The following GMFB variants were observed in gnomAD, a reference collection of about 807,000 sequenced individuals.
The protein encoded by GMFB is glia maturation factor beta, also known as GMF-beta.
In GMFB, 13 loss-of-function variants were observed where a neutral mutation model predicts 25.6. The ratio of observed to expected loss-of-function variants is 0.51; its 90% confidence interval spans 0.33 to 0.81. The LOEUF (loss-of-function observed/expected upper bound fraction) is 0.81, where lower values mean the gene tolerates loss of function less well. GMFB is among the 30% of genes least tolerant of loss of function. The probability of loss-of-function intolerance (pLI) is 0.02; values close to 1 mark genes in which losing one functional copy is unlikely to be tolerated. For synonymous variants in GMFB, 57 were observed against 56.9 expected (o/e 1.00, Z 0.00); for missense variants, 146 against 175.4 (o/e 0.83, Z 0.95).
At chr14:54,486,732 T>C (rs371273009) in intron 1 of GMFB, among the ~76,000 whole-genome samples, 1 of 152,162 alleles carries the variant, frequency 6.6e-6, no homozygotes, top group Non-Finnish European at 1.5e-5. Context: ...AAACAGATAC[T>C]ATTATTACTC....
rs757436577 is a variant in GMFB at position 54,475,932 on chromosome 14, C to T, written c.*2156G>A. On this transcript the variant is annotated 3_prime_UTR_variant, in exon 7 of 7. Coordinates refer to ENST00000358056, the MANE Select transcript of GMFB (RefSeq NM_004124.3). ...ATGGCAGAAAAAAAGACAGTAAATA[C>T]GAAACATACTTGAAAAGAACAATGC... 1.3e-5 allele frequency: 2 copies of T among 151,900 alleles called. No individual in the cohort carries two copies. The highest frequency in any genetic ancestry group is 1.9e-4 in the East Asian group (1 of 5,186). The allele number at this position is 151,900 out of a possible 1,614,324, so 9.4% of individuals were successfully genotyped here. A position where few individuals can be genotyped will look rare whatever the true frequency, so the allele number is the denominator to read the frequency against.
chr14:54,478,261 T>C (rs560949316), intron 6 of GMFB, 102 bp from the exon 7 acceptor site: 2 of 478,092 alleles, frequency 4.2e-6, no homozygotes, highest in African/African-American at 4.0e-5. Flanking sequence ...CACCAAACTA[T>C]TTTTGGTTAT....
At chr14:54,487,829 A>G (rs556934407) in intron 1 of GMFB, among the ~76,000 whole-genome samples, 7 of 152,248 alleles carry the variant, frequency 4.6e-5, no homozygotes, top group Non-Finnish European at 8.8e-5. Context: ...TTTAGGATGA[A>G]GAATACAGAA....
At chr14:54,488,769 G>C in intron 1 of GMFB, 156 bp downstream of exon 1, 3 of 570,222 alleles carry the variant, frequency 5.3e-6, no homozygotes, top group Non-Finnish European at 8.7e-6. Flanking sequence ...CAGAGGCCAA[G>C]TACTCTAGCT....
At chr14:54,481,492 T>C in intron 3 of GMFB, 34 bp from the exon 4 acceptor site, 1 of 1,502,580 alleles carries the variant, frequency 6.7e-7, no homozygotes, top group Non-Finnish European at 9.3e-7. Context: ...TTTTAAACAT[T>C]TTCTTACCCA....
At chr14:54,481,222 AAAG>A in intron 4 of GMFB, 184 bp downstream of exon 4, 3 of 583,796 alleles carry the variant, frequency 5.1e-6, no homozygotes, top group Non-Finnish European at 9.2e-6. Flanking sequence ...ATAGTTTTAA[AAAG>A]AAAATTATTC....
Position 54,483,738 on chromosome 14 carries a change from G to A in GMFB, c.33C>T (p.Ala11=), listed in dbSNP as rs775871487. 7.5e-6 allele frequency: 12 copies of A among 1,607,834 alleles called. No individual in the cohort carries two copies. Among genetic ancestry groups the A allele is most frequent in the South Asian group, 5.5e-5 (5 of 90,774 alleles). Residue 11 remains alanine (A), a synonymous_variant, in exon 2 of 7, where the codon GCC becomes GCT. Coordinates refer to ENST00000358056, the MANE Select transcript of GMFB (RefSeq NM_004124.3). ...TTCTCAGCTTTTCCACTAAATCTTC[G>A]GCAACATCACAAACAACCAAAGACT... The part of the protein sequence containing the change: MSESLVVCDV[A]EDLVEKLRKF...
chr14:54,479,750 T>C (rs757286777), intron 6 of GMFB, 36 bp downstream of exon 6: 4 of 1,239,388 alleles, frequency 3.2e-6, no homozygotes, highest in Admixed American at 3.4e-5. Flanking sequence ...TAAAGGAAAA[T>C]ATTGTCTCAA....
chr14:54,477,809 G>A lies in GMFB; in HGVS notation c.*279C>T, dbSNP rs1216763228. 9.3e-5 allele frequency: 25 copies of A among 270,092 alleles called. No individual in the cohort carries two copies. The East Asian group carries it at 1.5e-3, about 16-fold the overall frequency. 16.7% of individuals were successfully genotyped at this position (270,092 alleles called of 1,614,324 possible). A position where few individuals can be genotyped will look rare whatever the true frequency, so the allele number is the denominator to read the frequency against. On this transcript the variant is annotated 3_prime_UTR_variant, in exon 7 of 7. Coordinates refer to ENST00000358056, the MANE Select transcript of GMFB (RefSeq NM_004124.3). ...GTGTCTGTAAATAGTAACAAATTCC[G>A]AACCATAAGTTATAGAAATTAGTCA... is the stretch of plus-strand genomic sequence containing the variant.
At chr14:54,486,235 C>T (rs1003693188) in intron 1 of GMFB, among the ~76,000 whole-genome samples, 2 of 151,926 alleles carry the variant, frequency 1.3e-5, no homozygotes, top group East Asian at 1.9e-4. Context: ...GGCGACAGAG[C>T]GAGACTCCAT....
At chr14:54,485,774 A>AG (rs2031772955) in intron 1 of GMFB, among the ~76,000 whole-genome samples, 1 of 152,214 alleles carries the variant, frequency 6.6e-6, no homozygotes, top group South Asian at 2.1e-4. Context: ...AGTTACCAAA[A>AG]CAGCATGATC....
chr14:54,481,036 A>C, intron 4 of GMFB, 80 bp from the exon 5 acceptor site: 1 of 671,148 alleles, frequency 1.5e-6, no homozygotes, highest in Non-Finnish European at 2.6e-6. Context: ...CTGAGCTGCA[A>C]GTTTCTGTCC....
chr14:54,474,910 G>A lies in GMFB; in HGVS notation c.*3178C>T, dbSNP rs899149172. The stretch of plus-strand genomic sequence containing the variant: ...CAGCTTGGGAGCATTGGTTTTAAGC[G>A]GTCTAGAAGATTACTACATTCTTCC... On this transcript the variant is annotated 3_prime_UTR_variant, in exon 7 of 7. Coordinates refer to ENST00000358056, the MANE Select transcript of GMFB (RefSeq NM_004124.3). The A allele has an allele frequency of 2.6e-5, 4 of 152,518 alleles. No homozygotes were observed. Among genetic ancestry groups the A allele is most frequent in the Admixed American group, 6.5e-5 (1 of 15,268 alleles). 9.4% of individuals were successfully genotyped at this position (152,518 alleles called of 1,614,324 possible).
At chr14:54,484,242 A>G (rs996989888) in intron 1 of GMFB, among the ~76,000 whole-genome samples, 15 of 152,140 alleles carry the variant, frequency 9.9e-5, no homozygotes, top group African/African-American at 3.6e-4. Flanking sequence ...AAGCAACAAA[A>G]GTGTTAAAAA....
At chr14:54,485,526 C>T (rs1370745096) in intron 1 of GMFB, among the ~76,000 whole-genome samples, 1 of 151,964 alleles carries the variant, frequency 6.6e-6, no homozygotes, top group Non-Finnish European at 1.5e-5. Context: ...AGAGAACATA[C>T]AAAAATGGAA....
rs180701615 is a variant in GMFB at position 54,481,562 on chromosome 14, C to T, written c.151-104G>A. 1.1e-4 allele frequency: 80 copies of T among 707,044 alleles called. No individual in the cohort carries two copies. In the African/African-American group the frequency reaches 1.2e-3, roughly 11 times the overall value. The allele number at this position is 707,044 out of a possible 1,614,324, so 43.8% of individuals were successfully genotyped here. A position where few individuals can be genotyped will look rare whatever the true frequency, so the allele number is the denominator to read the frequency against. On this transcript the variant is annotated intron_variant, in intron 3 of 6. Transcript: ENST00000358056. ...ACTAACAGTTATAAATTTATTACCA[C>T]ATGCTACAAAATAAAATTTTATCTT... is the stretch of plus-strand genomic sequence containing the variant.
At chr14:54,483,611 G>T in intron 2 of GMFB, 60 bp downstream of exon 2, 1 of 841,846 alleles carries the variant, frequency 1.2e-6, no homozygotes, top group Non-Finnish European at 2.0e-6. Flanking sequence ...ATTCAATGTA[G>T]CTACAAGATT....
Position 54,476,197 on chromosome 14 carries a change from G to A in GMFB, c.*1891C>T, listed in dbSNP as rs1441490594. ...CAGTAGCGGAACTAAGAGTGCTAAC[G>A]TATGGCAGGTCAATATTATCTGACA... On this transcript the variant is annotated 3_prime_UTR_variant, in exon 7 of 7. Transcript: ENST00000358056. 3 of 151,844 alleles carry A rather than the reference G, an allele frequency of 2.0e-5. No individual in the cohort carries two copies. The highest frequency in any genetic ancestry group is 6.6e-5 in the Admixed American group (1 of 15,248). The allele number at this position is 151,844 out of a possible 1,614,324, so 9.4% of individuals were successfully genotyped here.
chr14:54,483,818 C>T lies in GMFB; in HGVS notation c.4-51G>A, dbSNP rs1028204738. 1.1e-5 allele frequency: 11 copies of T among 987,288 alleles called. No individual in the cohort carries two copies. In the African/African-American group the frequency reaches 1.8e-4, roughly 16 times the overall value. The allele number at this position is 987,288 out of a possible 1,614,324, so 61.2% of individuals were successfully genotyped here. A position where few individuals can be genotyped will look rare whatever the true frequency, so the allele number is the denominator to read the frequency against. ...AAATGCCATGACTTCAATATATGTA[C>T]ATGTTAAAGTTATGAAACCTAATAC... On this transcript the variant is annotated intron_variant, in intron 1 of 6. Transcript: ENST00000358056.
Sources: allele counts gnomAD v4.1 joint callset (sites outside exome capture counted in the v4.1 genomes callset), GRCh38; gene constraint gnomAD v4.1.1; transcripts MANE v1.5; gene names NCBI Gene and HGNC (gene_info 2026-07-23, HGNC 2026-07-21).